The following ST8SIA4 variants were observed in gnomAD, a reference collection of about 807,000 sequenced individuals.
ST8SIA4 encodes CMP-N-acetylneuraminate-poly-alpha-2,8-sialyltransferase.
ST8SIA4 carries 15 observed loss-of-function variants against 33.9 expected under a neutral mutation model. The ratio of observed to expected loss-of-function variants is 0.44; its 90% confidence interval spans 0.30 to 0.68. The LOEUF (loss-of-function observed/expected upper bound fraction) is 0.68, where lower values mean the gene tolerates loss of function less well. Among genes scored for constraint, ST8SIA4 ranks in the 30% least tolerant of loss-of-function variants. The pLI is 0.10. For missense variants in ST8SIA4, 321 were observed against 428.0 expected (o/e 0.75, Z 2.21); for synonymous variants, 171 against 151.2 (o/e 1.13, Z -0.96).
At position 100,856,269 on chromosome 5, in the gene ST8SIA4, ATT is replaced by A; in HGVS notation, c.629_630del (p.Lys210IlefsTer4). ...GGFRNESDREKFVHRLSMLND... is the reference protein window; with the variant it reads ...GGFRNESDREXFVHRLSMLND... The stretch of plus-strand genomic sequence containing the variant: ...TTCAGCATGGAAAGTCTATGCACAA[ATT>A]TTTCTCTGTCACTCTCATTTCGAAA... On this transcript the variant is annotated frameshift_variant, in exon 4 of 5. Transcript: ENST00000231461. LOFTEE classifies it high-confidence loss of function. 1 of 1,614,078 alleles carries A rather than the reference ATT, an allele frequency of 6.2e-7. No homozygotes were observed. Among genetic ancestry groups the A allele is most frequent in the Non-Finnish European group, 8.5e-7 (1 of 1,179,952 alleles).
chr5:100,826,991 A>G (rs1000299219), intron 4 of ST8SIA4, among the ~76,000 whole-genome samples: 6 of 149,794 alleles, frequency 4.0e-5, no homozygotes, highest in African/African-American at 1.5e-4. Context: ...CACACATCCC[A>G]TAGGAAGGAA....
rs1750782053 is a variant in ST8SIA4 at position 100,809,961 on chromosome 5, A to G, written c.*1886T>C. 6.6e-6 allele frequency: 1 copy of G among 151,176 alleles called. No individual in the cohort carries two copies. Among genetic ancestry groups the G allele is most frequent in the South Asian group, 2.1e-4 (1 of 4,806 alleles). The allele number at this position is 151,176 out of a possible 1,614,324, so 9.4% of individuals were successfully genotyped here. ...TGTGAATATCCTTTTCCATGGTAAC[A>G]CACACACACACACACGTACTTCATG... On this transcript the variant is annotated 3_prime_UTR_variant, in exon 5 of 5. Coordinates refer to ENST00000231461, the MANE Select transcript of ST8SIA4 (RefSeq NM_005668.6).
intron 4 of ST8SIA4, among the ~76,000 whole-genome samples, chr5:100,855,316 T>C (rs1376419862): frequency 6.6e-6 from 1 of 152,164 alleles, no homozygotes; most frequent in Non-Finnish European, 1.5e-5. Flanking sequence ...GACAACATAT[T>C]CCCCTATTAG....
At chr5:100,846,636 A>G (rs1392415585) in intron 4 of ST8SIA4, among the ~76,000 whole-genome samples, 1 of 152,054 alleles carries the variant, frequency 6.6e-6, no homozygotes, top group African/African-American at 2.4e-5. Flanking sequence ...TTGAAGGAAT[A>G]AAAAATGATC....
intron 4 of ST8SIA4, among the ~76,000 whole-genome samples, chr5:100,854,368 A>C (rs1465761217): frequency 6.6e-6 from 1 of 151,854 alleles, no homozygotes; most frequent in Non-Finnish European, 1.5e-5. Context: ...TGGATCACGA[A>C]GTCAGGAGAT....
intron 2 of ST8SIA4, among the ~76,000 whole-genome samples, chr5:100,887,421 G>C (rs73777434): frequency 0.011 from 1,739 of 152,186 alleles, 30 homozygotes; most frequent in African/African-American, 0.04. Context: ...TAATTAAATA[G>C]TATATGAGTG....
At chr5:100,875,209 C>A (rs891208054) in intron 3 of ST8SIA4, among the ~76,000 whole-genome samples, 3 of 152,196 alleles carry the variant, frequency 2.0e-5, no homozygotes, top group Admixed American at 2.0e-4. Context: ...TATTTTTCAG[C>A]CCCTTATGAT....
intron 4 of ST8SIA4, among the ~76,000 whole-genome samples, chr5:100,812,332 T>C (rs1750832857): frequency 6.6e-6 from 1 of 152,178 alleles, no homozygotes; most frequent in Non-Finnish European, 1.5e-5. Flanking sequence ...TTCTTTCTTA[T>C]TCTTGAGGTC....
chr5:100,819,568 A>C (rs767763665), intron 4 of ST8SIA4, among the ~76,000 whole-genome samples: 10 of 152,212 alleles, frequency 6.6e-5, no homozygotes, highest in East Asian at 3.8e-4. Context: ...GTGCAATGAG[A>C]TCTTGCCAGC....
chr5:100,869,168 A>G (rs1285590893), intron 3 of ST8SIA4, among the ~76,000 whole-genome samples: 1 of 152,166 alleles, frequency 6.6e-6, no homozygotes, highest in Non-Finnish European at 1.5e-5. Flanking sequence ...AGAAGTGAAG[A>G]ACAATTATAA....
At chr5:100,831,655 G>A (rs986249526) in intron 4 of ST8SIA4, among the ~76,000 whole-genome samples, 3 of 151,946 alleles carry the variant, frequency 2.0e-5, no homozygotes, top group Non-Finnish European at 4.4e-5. Context: ...TCTCCATTGT[G>A]TTTCATGAAA....
intron 4 of ST8SIA4, among the ~76,000 whole-genome samples, chr5:100,852,445 A>T (rs1296842089): frequency 4.4e-5 from 1 of 22,856 alleles, no homozygotes; most frequent in Non-Finnish European, 1.2e-4. Flanking sequence ...TTCTTTATTA[A>T]AAAAAAAAAA....
chr5:100,817,697 T>A (rs1750958345), intron 4 of ST8SIA4, among the ~76,000 whole-genome samples: 1 of 152,202 alleles, frequency 6.6e-6, no homozygotes, highest in Admixed American at 6.5e-5. Flanking sequence ...GTTTGTCAGA[T>A]AAAGCAGGGA....
At chr5:100,877,878 T>G (rs1292526570) in intron 3 of ST8SIA4, among the ~76,000 whole-genome samples, 1 of 152,232 alleles carries the variant, frequency 6.6e-6, no homozygotes, top group Non-Finnish European at 1.5e-5. Context: ...TTAACTTTTG[T>G]CTTTGGGAAA....
Position 100,856,192 on chromosome 5 carries a change from G to T in ST8SIA4, c.708C>A (p.His236Gln). The change falls in exon 4 of 5, where the codon CAC becomes CAA. Residue 236 changes from histidine (H) to glutamine (Q), a missense_variant. Transcript: ENST00000231461. The part of the protein sequence containing the change: ...PAFMVKGGEK[H>Q]VEWVNALILK... Reference sequence around the variant, plus strand: ...GGATTAATGCATTAACCCACTCCACGTGCTTCTCTCCTCCTTTGACCATGA... The same window carrying T: ...GGATTAATGCATTAACCCACTCCACTTGCTTCTCTCCTCCTTTGACCATGA... The T allele has an allele frequency of 6.2e-7, 1 of 1,614,034 alleles. No homozygotes were observed.
intron 4 of ST8SIA4, among the ~76,000 whole-genome samples, chr5:100,837,261 A>G (rs1751383522): frequency 6.6e-6 from 1 of 152,026 alleles, no homozygotes; most frequent in Non-Finnish European, 1.5e-5. Flanking sequence ...TAAAGTATCC[A>G]TTACACATGT....
At position 100,811,700 on chromosome 5, in the gene ST8SIA4, C is replaced by T. The variant is rs1442938109; in HGVS notation, c.*147G>A. ...GAGCACTTTGCAGGTATTTCATCAG[C>T]TGGTAGTCGATTTCTCATGAACGTC... On this transcript the variant is annotated 3_prime_UTR_variant, in exon 5 of 5. Transcript: ENST00000231461. 7.6e-6 allele frequency: 6 copies of T among 787,402 alleles called. No homozygotes were observed. The highest frequency in any genetic ancestry group is 1.2e-5 in the Non-Finnish European group (6 of 507,850). The allele number at this position is 787,402 out of a possible 1,614,324, so 48.8% of individuals were successfully genotyped here. A position where few individuals can be genotyped will look rare whatever the true frequency, so the allele number is the denominator to read the frequency against.
chr5:100,838,752 C>G (rs1751413266), intron 4 of ST8SIA4, among the ~76,000 whole-genome samples: 1 of 151,950 alleles, frequency 6.6e-6, no homozygotes, highest in African/African-American at 2.4e-5. Flanking sequence ...TGTAAGTCAT[C>G]AACACTGTAG....
intron 3 of ST8SIA4, among the ~76,000 whole-genome samples, chr5:100,861,391 T>C (rs932007866): frequency 3.3e-5 from 5 of 152,092 alleles, no homozygotes; most frequent in African/African-American, 1.2e-4. Context: ...ATTCACAGAA[T>C]GAAAATATAA....
Sources: allele counts gnomAD v4.1 joint callset (sites outside exome capture counted in the v4.1 genomes callset), GRCh38; gene constraint gnomAD v4.1.1; transcripts MANE v1.5; gene names NCBI Gene and HGNC (gene_info 2026-07-23, HGNC 2026-07-21).